The following CYP27A1 variants were observed in gnomAD, a reference collection of about 807,000 sequenced individuals.
The protein encoded by CYP27A1 is cytochrome P450 family 27 subfamily A member 1, also known as sterol 26-hydroxylase, mitochondrial.
Under a neutral mutation model 58.2 loss-of-function variants are expected in CYP27A1, and 46 were observed. That is an observed-to-expected ratio of 0.79 (90% CI 0.62 to 1.01). The LOEUF is 1.01. Ranked by LOEUF, CYP27A1 falls within the 50% of genes least tolerant of loss-of-function variation. The pLI is 0.00. For missense variants in CYP27A1, 704 were observed against 687.0 expected, an observed-to-expected ratio of 1.02 and a Z score of -0.28; for synonymous variants, 274 against 285.1, an observed-to-expected ratio of 0.96 and a Z score of 0.39.
chr2:218,790,903 G>A (rs1047632368), intron 1 of CYP27A1, among the ~76,000 whole-genome samples: 4 of 151,864 alleles, frequency 2.6e-5, no homozygotes, highest in African/African-American at 7.3e-5. Context: ...GGGTTTCACT[G>A]TGTTAGCCAG....
At position 218,814,922 on chromosome 2, in the gene CYP27A1, G is replaced by A. The variant is rs1379650960; in HGVS notation, c.1488G>A (p.Lys496=). ...MQLLLARLIQ[K]YKVVLAPETG... Reference sequence around the variant, plus strand: ...TCTTTACCCCCCAGCTGATCCAGAAGTACAAGGTGGTCCTGGCCCCGGAGA... The same window carrying A: ...TCTTTACCCCCCAGCTGATCCAGAAATACAAGGTGGTCCTGGCCCCGGAGA... The change falls in exon 9 of 9, where the codon AAG becomes AAA. Residue 496 remains lysine, a synonymous_variant. Transcript: ENST00000258415. 11 of 1,614,146 alleles carry A rather than the reference G, an allele frequency of 6.8e-6. No homozygotes were observed. The highest frequency in any genetic ancestry group is 7.6e-6 in the Non-Finnish European group (9 of 1,180,056).
chr2:218,804,630 G>C (rs779584096), intron 1 of CYP27A1, among the ~76,000 whole-genome samples: 5 of 152,202 alleles, frequency 3.3e-5, no homozygotes, highest in Admixed American at 6.5e-5. Context: ...TTGCCTTGGG[G>C]AGTACTGCTG....
chr2:218,784,862 T>G (rs1943427320), intron 1 of CYP27A1, among the ~76,000 whole-genome samples: 1 of 152,198 alleles, frequency 6.6e-6, no homozygotes, highest in Admixed American at 6.5e-5. Flanking sequence ...GAGAGATGGT[T>G]TTGAAATCAC....
intron 1 of CYP27A1, among the ~76,000 whole-genome samples, chr2:218,800,706 A>AC (rs1943592050): frequency 1.3e-5 from 2 of 152,194 alleles, no homozygotes; most frequent in African/African-American, 4.8e-5. Flanking sequence ...AATGCCTTAT[A>AC]CCCATAGGTT....
chr2:218,798,811 A>G (rs1431550881), intron 1 of CYP27A1, among the ~76,000 whole-genome samples: 1 of 152,178 alleles, frequency 6.6e-6, no homozygotes, highest in Admixed American at 6.5e-5. Context: ...TGAACCCGGG[A>G]GGCGGAAATT....
At chr2:218,789,196 G>A (rs558586171) in intron 1 of CYP27A1, among the ~76,000 whole-genome samples, 2 of 152,266 alleles carry the variant, frequency 1.3e-5, no homozygotes, top group Non-Finnish European at 2.9e-5. Context: ...CCCATAGTAG[G>A]GGGCTAATTA....
intron 1 of CYP27A1, among the ~76,000 whole-genome samples, chr2:218,788,665 C>A (rs950480722): frequency 6.6e-6 from 1 of 152,172 alleles, no homozygotes; most frequent in Non-Finnish European, 1.5e-5. Flanking sequence ...TTTGAATATA[C>A]TTCTCTGGTG....
intron 5 of CYP27A1, 93 bp downstream of exon 5, chr2:218,813,189 T>C (rs914716181): frequency 1.0e-4 from 116 of 1,161,292 alleles, no homozygotes; most frequent in Middle Eastern, 2.9e-4. Flanking sequence ...CCTTCATCCC[T>C]CCAAGGACCT....
intron 1 of CYP27A1, among the ~76,000 whole-genome samples, chr2:218,795,076 A>G (rs4674340): frequency 0.47 from 71,423 of 151,888 alleles, 17,267 homozygotes; most frequent in Non-Finnish European, 0.5. Flanking sequence ...ACTCTCACCT[A>G]TGTCTCTATT....
Position 218,812,617 on chromosome 2 carries a change from G to GTGAC in CYP27A1, c.713_716dup (p.Phe240AspfsTer49). On this transcript the variant is annotated frameshift_variant, in exon 4 of 9. Coordinates refer to ENST00000258415, the MANE Select transcript of CYP27A1 (RefSeq NM_000784.4). LOFTEE classifies it high-confidence loss of function. ...GCAGCGATCCATCCCCGAGGACACC[G>GTGAC]TGACCTTCGTCAGATCCATCGGGTT... is the stretch of plus-strand genomic sequence containing the variant. 1 of 1,614,220 alleles carries GTGAC rather than the reference G, an allele frequency of 6.2e-7. No homozygotes were observed. The highest frequency in any genetic ancestry group is 8.5e-7 in the Non-Finnish European group (1 of 1,180,042).
At chr2:218,805,302 T>C (rs2105977076) in intron 1 of CYP27A1, among the ~76,000 whole-genome samples, 1 of 152,358 alleles carries the variant, frequency 6.6e-6, no homozygotes, top group East Asian at 1.9e-4. Context: ...GTCTCTCTCA[T>C]GTTCTTTGCA....
chr2:218,815,263 T>C lies in CYP27A1; in HGVS notation c.*233T>C, dbSNP rs1943779173. On this transcript the variant is annotated 3_prime_UTR_variant, in exon 9 of 9. Coordinates refer to ENST00000258415, the MANE Select transcript of CYP27A1 (RefSeq NM_000784.4). ...CGCATTGCTGTCCTTGGGTAGAATA[T>C]AAAATAAAGGGACTTTTATTTCTTA... The C allele has an allele frequency of 1.8e-6, 1 of 550,922 alleles. No homozygotes were observed. Among genetic ancestry groups the C allele is most frequent in the African/African-American group, 1.9e-5 (1 of 52,690 alleles). 34.1% of individuals were successfully genotyped at this position (550,922 alleles called of 1,614,324 possible). A position where few individuals can be genotyped will look rare whatever the true frequency, so the allele number is the denominator to read the frequency against.
At chr2:218,795,923 AAAAG>A (rs1469468806) in intron 1 of CYP27A1, among the ~76,000 whole-genome samples, 1 of 152,208 alleles carries the variant, frequency 6.6e-6, no homozygotes, top group Non-Finnish European at 1.5e-5. Context: ...ACTCTGTTCC[AAAAG>A]GAAGCTCAGA....
intron 1 of CYP27A1, among the ~76,000 whole-genome samples, chr2:218,802,690 T>C (rs12990447): frequency 0.52 from 77,916 of 151,280 alleles, 20,807 homozygotes; most frequent in African/African-American, 0.61. Flanking sequence ...TCTGCTCCCT[T>C]ATCTAGGATC....
chr2:218,791,687 G>A (rs545989151), intron 1 of CYP27A1, among the ~76,000 whole-genome samples: 1 of 152,136 alleles, frequency 6.6e-6, no homozygotes, highest in Non-Finnish European at 1.5e-5. Context: ...AAGGTTCAAG[G>A]TCTCAAAGTC....
chr2:218,808,672 G>C (rs1271206862), intron 1 of CYP27A1, among the ~76,000 whole-genome samples: 1 of 152,122 alleles, frequency 6.6e-6, no homozygotes, highest in Non-Finnish European at 1.5e-5. Flanking sequence ...AAGATGAAGT[G>C]CCCAGGAAAC....
In CYP27A1 at chr2:218,801,995, T is replaced by TTTTTTTA. The variant is rs397688567; in HGVS notation, c.256-7582_256-7581insTTTTTTA. On this transcript the variant is annotated intron_variant, in intron 1 of 8. Coordinates refer to ENST00000258415, the MANE Select transcript of CYP27A1 (RefSeq NM_000784.4). The stretch of plus-strand genomic sequence containing the variant: ...GCTAGCAGGCTTTTTTTTTTTTTTT[T>TTTTTTTA]AATTCCTATTTAAGGCACTCTTTAG... 2.4e-3 allele frequency among the ~76,000 whole-genome samples: 353 copies of TTTTTTTA among 149,200 alleles called. 3 individuals are homozygous for TTTTTTTA. The highest frequency in any genetic ancestry group is 8.3e-3 in the African/African-American group (328 of 39,666).
At position 218,812,617 on chromosome 2, in the gene CYP27A1, G is replaced by GT; in HGVS notation, c.713dup (p.Thr239AspfsTer49). 6.2e-7 allele frequency: 1 copy of GT among 1,614,220 alleles called. No individual in the cohort carries two copies. ...GCAGCGATCCATCCCCGAGGACACC[G>GT]TGACCTTCGTCAGATCCATCGGGTT... On this transcript the variant is annotated frameshift_variant, in exon 4 of 9. Transcript: ENST00000258415. LOFTEE classifies it high-confidence loss of function.
chr2:218,809,596 A>G lies in CYP27A1; in HGVS notation c.275A>G (p.Tyr92Cys). 1.2e-6 allele frequency: 2 copies of G among 1,614,116 alleles called. No individual in the cohort carries two copies. Among genetic ancestry groups the G allele is most frequent in the Non-Finnish European group, 1.7e-6 (2 of 1,180,022 alleles). ...HQLQVLYKAK[Y>C]GPMWMSYLGP... The stretch of plus-strand genomic sequence containing the variant: ...CCACAGGTGCTTTACAAGGCCAAGT[A>G]CGGTCCAATGTGGATGTCCTACTTA... The change falls in exon 2 of 9, where the codon TAC becomes TGC. Residue 92 changes from tyrosine to cysteine, a missense_variant. Transcript: ENST00000258415.
Sources: allele counts gnomAD v4.1 joint callset (sites outside exome capture counted in the v4.1 genomes callset), GRCh38; gene constraint gnomAD v4.1.1; transcripts MANE v1.5; gene names NCBI Gene and HGNC (gene_info 2026-07-23, HGNC 2026-07-21).